CEP112: variants seen among roughly 807,000 people sequenced by gnomAD.
CEP112 encodes the protein centrosomal protein 112, also known as centrosomal protein of 112 kDa.
Under a neutral mutation model 153.0 loss-of-function variants are expected in CEP112, and 127 were observed. That is an observed-to-expected ratio of 0.83 (90% CI 0.72 to 0.96). CEP112 has a LOEUF of 0.96. Among genes scored for constraint, CEP112 ranks in the 40% least tolerant of loss-of-function variants. The pLI, the probability that CEP112 is intolerant of heterozygous loss-of-function variation, is 0.00. For synonymous variants in CEP112, 358 were observed against 374.4 expected (o/e 0.96, Z 0.51); for missense variants, 1,089 against 1,101.2 (o/e 0.99, Z 0.16).
intron 24 of CEP112, among the ~76,000 whole-genome samples, chr17:65,656,121 C>A (rs1164460697): frequency 1.3e-5 from 2 of 152,138 alleles, no homozygotes; most frequent in African/African-American, 4.8e-5. Flanking sequence ...TTATCTGGAG[C>A]CATAACTATT....
chr17:65,699,698 G>C (rs1304228546), intron 23 of CEP112, among the ~76,000 whole-genome samples: 1 of 152,050 alleles, frequency 6.6e-6, no homozygotes, highest in African/African-American at 2.4e-5. Flanking sequence ...CATGATCATA[G>C]CACCCTATAG....
chr17:65,791,060 A>C (rs1598594871), intron 21 of CEP112, among the ~76,000 whole-genome samples: 2 of 144,944 alleles, frequency 1.4e-5, no homozygotes, highest in African/African-American at 5.0e-5. Context: ...CTTAATCTTC[A>C]TATGATTTTG....
chr17:65,724,228 G>T (rs2050051285), intron 23 of CEP112, among the ~76,000 whole-genome samples: 1 of 152,266 alleles, frequency 6.6e-6, no homozygotes, highest in Non-Finnish European at 1.5e-5. Context: ...GGAAATAACA[G>T]CCTGGTCTTT....
chr17:65,848,918 G>C (rs967305997), intron 21 of CEP112, among the ~76,000 whole-genome samples: 4 of 152,100 alleles, frequency 2.6e-5, no homozygotes, highest in Non-Finnish European at 5.9e-5. Flanking sequence ...AGGACCTCCT[G>C]CCTGGATTAA....
chr17:65,971,657 C>G (rs1474657651), intron 17 of CEP112, among the ~76,000 whole-genome samples: 7 of 122,236 alleles, frequency 5.7e-5, no homozygotes, highest in Non-Finnish European at 1.2e-4. Context: ...ATGCATGTCA[C>G]ATGCATGTAT....
At chr17:66,070,218 C>A (rs2067260865) in intron 8 of CEP112, among the ~76,000 whole-genome samples, 1 of 152,086 alleles carries the variant, frequency 6.6e-6, no homozygotes, top group Non-Finnish European at 1.5e-5. Context: ...AAATAAATTT[C>A]ACCTGGTAGG....
chr17:65,957,342 GAA>G (rs1284750279), intron 18 of CEP112, among the ~76,000 whole-genome samples: 1 of 152,178 alleles, frequency 6.6e-6, no homozygotes, highest in Non-Finnish European at 1.5e-5. Flanking sequence ...CAGAGATGGA[GAA>G]AAATATATGA....
intron 2 of CEP112, among the ~76,000 whole-genome samples, chr17:66,181,701 T>A (rs573683722): frequency 6.6e-6 from 1 of 152,152 alleles, no homozygotes; most frequent in South Asian, 2.1e-4. Context: ...ATGGTTTGAT[T>A]TGAAATACAT....
intron 21 of CEP112, among the ~76,000 whole-genome samples, chr17:65,806,390 G>A (rs1022953064): frequency 6.6e-6 from 1 of 152,236 alleles, no homozygotes; most frequent in Non-Finnish European, 1.5e-5. Flanking sequence ...GTTTGAACGT[G>A]TCCCACGATA....
chr17:66,126,241 C>T lies in CEP112; in HGVS notation c.642+3505G>A, dbSNP rs138269439. On this transcript the variant is annotated intron_variant, in intron 6 of 26. Coordinates refer to ENST00000535342, the MANE Select transcript of CEP112 (RefSeq NM_001199165.4). The stretch of plus-strand genomic sequence containing the variant: ...CTGTAGCACTTTACAAAGGAAGCTA[C>T]AAATAATTCCTAGTCAACATCAAAA... Among the ~76,000 whole-genome samples, 114 of 152,276 alleles carry T rather than the reference C, an allele frequency of 7.5e-4. 1 individual carries two copies. Among genetic ancestry groups the T allele is most frequent in the Non-Finnish European group, 9.1e-4 (62 of 68,014 alleles).
intron 23 of CEP112, among the ~76,000 whole-genome samples, chr17:65,703,455 G>T (rs1279262207): frequency 6.7e-6 from 1 of 149,342 alleles, no homozygotes; most frequent in Non-Finnish European, 1.5e-5. Flanking sequence ...AGGTTGCAGT[G>T]AGTCGAGATT....
At chr17:65,911,266 CTG>C (rs975254796) in intron 19 of CEP112, among the ~76,000 whole-genome samples, 2 of 152,116 alleles carry the variant, frequency 1.3e-5, no homozygotes, top group Admixed American at 1.3e-4. Flanking sequence ...GTTTATATAA[CTG>C]TGAGAATTAT....
chr17:65,905,415 C>T (rs1299903493), intron 19 of CEP112, among the ~76,000 whole-genome samples: 2 of 152,188 alleles, frequency 1.3e-5, no homozygotes, highest in Non-Finnish European at 2.9e-5. Flanking sequence ...CATCTCATGC[C>T]AGTTAGAATG....
Position 65,827,252 on chromosome 17 carries a change from G to C in CEP112, c.2394+24552C>G, listed in dbSNP as rs191896038. Among the ~76,000 whole-genome samples, 13 of 152,240 alleles carry C rather than the reference G, an allele frequency of 8.5e-5. No homozygotes were observed. The East Asian group carries it at 2.3e-3, about 27-fold the overall frequency. ...CTCCTCAGCTTGCCACAGGCCCATTGTGGGACTTCACCTTGTGAGTCAATA... is the reference window on the plus strand; with the variant it reads ...CTCCTCAGCTTGCCACAGGCCCATTCTGGGACTTCACCTTGTGAGTCAATA... On this transcript the variant is annotated intron_variant, in intron 21 of 26. Transcript: ENST00000535342.
intron 21 of CEP112, among the ~76,000 whole-genome samples, chr17:65,830,140 G>A (rs986669470): frequency 7.9e-5 from 12 of 152,160 alleles, no homozygotes; most frequent in Admixed American, 2.6e-4. Flanking sequence ...CAAAGACTGG[G>A]AGTGGCATCA....
At chr17:66,043,469 A>G (rs1184909878) in intron 12 of CEP112, among the ~76,000 whole-genome samples, 2 of 152,106 alleles carry the variant, frequency 1.3e-5, no homozygotes, top group African/African-American at 2.4e-5. Context: ...GTAATCTTTT[A>G]TTTTTAAAAT....
chr17:65,942,102 G>C (rs1220188308), intron 18 of CEP112, among the ~76,000 whole-genome samples: 1 of 152,200 alleles, frequency 6.6e-6, no homozygotes, highest in African/African-American at 2.4e-5. Flanking sequence ...TAGGAACCCT[G>C]CATCCAGCAG....
At chr17:65,914,211 ATG>A (rs2143887571) in intron 19 of CEP112, among the ~76,000 whole-genome samples, 1 of 151,040 alleles carries the variant, frequency 6.6e-6, no homozygotes, top group Admixed American at 6.6e-5. Context: ...ATTTTACTTT[ATG>A]TGTTTCTCTA....
intron 24 of CEP112, among the ~76,000 whole-genome samples, chr17:65,674,610 A>G (rs1364265350): frequency 6.6e-6 from 1 of 152,224 alleles, no homozygotes; most frequent in Non-Finnish European, 1.5e-5. Flanking sequence ...GTAGGAGTGA[A>G]TTGGAAATAA....
Sources: gnomAD v4.1 joint callset for allele counts (sites outside exome capture counted in the v4.1 genomes callset) on GRCh38, gnomAD v4.1.1 for gene constraint, MANE v1.5 for transcripts, NCBI Gene and HGNC (gene_info 2026-07-23, HGNC 2026-07-21) for gene names.